The following CTNNA2 variants were observed in gnomAD, a reference collection of about 807,000 sequenced individuals.
The protein encoded by CTNNA2 is catenin alpha-2.
Under a neutral mutation model 101.0 loss-of-function variants are expected in CTNNA2, and 42 were observed. That is an observed-to-expected ratio of 0.42 (90% confidence interval 0.32 to 0.54). CTNNA2 has a LOEUF of 0.54. Among genes scored for constraint, CTNNA2 ranks in the 20% least tolerant of loss-of-function variants. CTNNA2 has a pLI of 0.14. For missense variants in CTNNA2, 871 were observed against 1,223.1 expected, an observed-to-expected ratio of 0.71 and a Z score of 4.29; for synonymous variants, 450 against 456.4, an observed-to-expected ratio of 0.99 and a Z score of 0.18.
intron 11 of CTNNA2, 111 bp from the exon 12 acceptor site, chr2:80,555,582 C>A: frequency 1.9e-6 from 1 of 516,624 alleles, no homozygotes; most frequent in Non-Finnish European, 3.3e-6. Context: ...TATTATTAGG[C>A]ATGCATTGAG....
chr2:79,215,058 C>T (rs963884177), intron 2 of CTNNA2, among the ~76,000 whole-genome samples: 18 of 152,210 alleles, frequency 1.2e-4, no homozygotes, highest in South Asian at 2.1e-4. Flanking sequence ...GCTTCTGAGG[C>T]GATCGGGCAG....
At chr2:79,596,023 A>G (rs1335429521) in intron 1 of CTNNA2, among the ~76,000 whole-genome samples, 2 of 150,986 alleles carry the variant, frequency 1.3e-5, no homozygotes, top group Non-Finnish European at 1.5e-5. Flanking sequence ...GAAAACTTTT[A>G]TTTATTTTTC....
intron 7 of CTNNA2, among the ~76,000 whole-genome samples, chr2:80,101,720 C>T (rs1178051333): frequency 6.6e-6 from 1 of 152,166 alleles, no homozygotes; most frequent in Non-Finnish European, 1.5e-5. Context: ...AGCATATCTC[C>T]TCTCTGGCTC....
At chr2:80,403,027 A>G (rs1678709215) in intron 8 of CTNNA2, among the ~76,000 whole-genome samples, 1 of 152,086 alleles carries the variant, frequency 6.6e-6, no homozygotes, top group South Asian at 2.1e-4. Context: ...ATCACAATAA[A>G]TAATATTGTG....
At chr2:80,544,146 T>C (rs965606883) in intron 9 of CTNNA2, among the ~76,000 whole-genome samples, 1 of 152,038 alleles carries the variant, frequency 6.6e-6, no homozygotes, top group Non-Finnish European at 1.5e-5. Context: ...AGCATAGTGT[T>C]CCTAAAAATC....
At chr2:79,840,446 ATTTG>A (rs1178651724) in intron 3 of CTNNA2, among the ~76,000 whole-genome samples, 2 of 151,990 alleles carry the variant, frequency 1.3e-5, no homozygotes, top group African/African-American at 4.8e-5. Context: ...TCTTTCTTGT[ATTTG>A]TTTATTTATT....
chr2:79,594,837 C>A (rs1677085332), intron 1 of CTNNA2, among the ~76,000 whole-genome samples: 1 of 152,124 alleles, frequency 6.6e-6, no homozygotes. Context: ...ATTATATCAT[C>A]ATTATCATTA....
At chr2:80,372,017 C>T (rs1051497039) in intron 7 of CTNNA2, among the ~76,000 whole-genome samples, 8 of 152,044 alleles carry the variant, frequency 5.3e-5, no homozygotes, top group African/African-American at 9.7e-5. Flanking sequence ...TAAAACTTGT[C>T]GTCCGAATTG....
At chr2:79,672,708 C>CTTTT (rs768344475) in intron 2 of CTNNA2, among the ~76,000 whole-genome samples, 1 of 134,334 alleles carries the variant, frequency 7.4e-6, no homozygotes, top group Non-Finnish European at 1.6e-5. Context: ...TTTCTTTTTT[C>CTTTT]TTTTTTTTTT....
chr2:79,411,935 A>G lies in CTNNA2; in HGVS notation c.-135+37922A>G, dbSNP rs534916051. ...ATAAATGGACTAAATGCTCCAATTA[A>G]AAGACACAGACTGGCAAATTGGATA... On this transcript the variant is annotated intron_variant, in intron 4 of 21. Transcript: ENST00000466387. Among the ~76,000 whole-genome samples, 40 of 152,282 alleles carry G rather than the reference A, an allele frequency of 2.6e-4. No homozygotes were observed. The East Asian group carries it at 7.7e-3, about 29-fold the overall frequency.
At chr2:79,568,120 C>T (rs1271660744) in intron 1 of CTNNA2, among the ~76,000 whole-genome samples, 2 of 152,086 alleles carry the variant, frequency 1.3e-5, no homozygotes, top group African/African-American at 4.8e-5. Flanking sequence ...GTCATGTTTT[C>T]AGTGTTCTCT....
At chr2:79,271,168 C>T (rs1402042612) in intron 2 of CTNNA2, among the ~76,000 whole-genome samples, 3 of 151,992 alleles carry the variant, frequency 2.0e-5, no homozygotes, top group African/African-American at 2.4e-5. Flanking sequence ...CTCCCTTTGG[C>T]GATTCTTCTA....
chr2:79,309,304 T>G (rs1434222), intron 2 of CTNNA2, among the ~76,000 whole-genome samples: 266 of 152,330 alleles, frequency 1.7e-3, no homozygotes, highest in African/African-American at 6.2e-3. Context: ...GAAGAACTGA[T>G]AGATTTTTAA....
At chr2:79,412,234 G>A (rs1678422342) in intron 4 of CTNNA2, among the ~76,000 whole-genome samples, 1 of 152,104 alleles carries the variant, frequency 6.6e-6, no homozygotes, top group African/African-American at 2.4e-5. Context: ...GGAGCACCCA[G>A]ATTCATAAAG....
intron 7 of CTNNA2, among the ~76,000 whole-genome samples, chr2:79,984,357 G>A (rs532926849): frequency 1.3e-4 from 20 of 152,212 alleles, no homozygotes; most frequent in Admixed American, 1.2e-3. Flanking sequence ...ATTGATGGGG[G>A]CATTGATCCA....
At chr2:79,196,341 T>C (rs1673961216) in intron 1 of CTNNA2, among the ~76,000 whole-genome samples, 1 of 152,154 alleles carries the variant, frequency 6.6e-6, no homozygotes, top group African/African-American at 2.4e-5. Context: ...GTAGTGATTT[T>C]TTACTTCCTC....
chr2:80,156,565 G>A lies in CTNNA2; in HGVS notation c.1057-236646G>A, dbSNP rs555697352. Among the ~76,000 whole-genome samples the A allele has an allele frequency of 7.2e-5, 11 of 152,340 alleles. 1 individual carries two copies. In the South Asian group the frequency reaches 2.1e-3, roughly 29 times the overall value. On this transcript the variant is annotated intron_variant, in intron 7 of 18. Coordinates refer to ENST00000402739, the MANE Select transcript of CTNNA2 (RefSeq NM_001282597.3). ...AAGGAGAAAAAGGTAGGTTGGTTTG[G>A]TGCTCACACATCATGTCCCCTTTTA...
At chr2:80,470,973 G>A (rs1205753242) in intron 9 of CTNNA2, among the ~76,000 whole-genome samples, 1 of 152,132 alleles carries the variant, frequency 6.6e-6, no homozygotes, top group Non-Finnish European at 1.5e-5. Context: ...GAGTGGAGGG[G>A]GGTTTCCAGC....
chr2:80,087,108 G>A (rs1699490411), intron 7 of CTNNA2, among the ~76,000 whole-genome samples: 1 of 152,000 alleles, frequency 6.6e-6, no homozygotes, highest in African/African-American at 2.4e-5. Flanking sequence ...AGTAACAATT[G>A]TTAGGCCTGT....
Sources: gnomAD v4.1 joint callset for allele counts (sites outside exome capture counted in the v4.1 genomes callset) on GRCh38, gnomAD v4.1.1 for gene constraint, MANE v1.5 for transcripts, NCBI Gene and HGNC (gene_info 2026-07-23, HGNC 2026-07-21) for gene names.